SFXN5: variants seen among roughly 807,000 people sequenced by gnomAD.
SFXN5 encodes sideroflexin-5.
In SFXN5, 43 loss-of-function variants were observed where a neutral mutation model predicts 50.2. That is an observed-to-expected ratio of 0.86 (90% CI 0.67 to 1.11). SFXN5 has a LOEUF of 1.11. Among genes scored for constraint, SFXN5 ranks in the 50% least tolerant of loss-of-function variants. The pLI is 0.00. For synonymous variants in SFXN5, 203 were observed against 185.8 expected, an observed-to-expected ratio of 1.09 and a Z score of -0.75; for missense variants, 463 against 454.1, an observed-to-expected ratio of 1.02 and a Z score of -0.18.
chr2:73,063,118 C>T (rs141990666), intron 1 of SFXN5, among the ~76,000 whole-genome samples: 1 of 152,132 alleles, frequency 6.6e-6, no homozygotes, highest in Admixed American at 6.5e-5. Flanking sequence ...AAGAAGCATA[C>T]TGATTAAGTG....
intron 10 of SFXN5, among the ~76,000 whole-genome samples, chr2:72,985,067 G>T (rs989230573): frequency 7.9e-5 from 12 of 152,122 alleles, no homozygotes; most frequent in Non-Finnish European, 1.3e-4. Context: ...TCACCCTGAA[G>T]ACCCCCTTCC....
chr2:73,023,685 A>G (rs1677194429), intron 3 of SFXN5, among the ~76,000 whole-genome samples: 1 of 152,148 alleles, frequency 6.6e-6, no homozygotes, highest in African/African-American at 2.4e-5. Flanking sequence ...CAGTTTCCTC[A>G]TCTGTGGAAT....
At chr2:73,058,467 A>T in intron 2 of SFXN5, 61 bp downstream of exon 2, 3 of 1,500,730 alleles carry the variant, frequency 2.0e-6, no homozygotes, top group Non-Finnish European at 2.8e-6. Context: ...AATGACCCAC[A>T]TATTCTGAAA....
rs1354441579 is a variant in SFXN5 at position 72,943,136 on chromosome 2, C to CA, written c.*1885dup. The stretch of plus-strand genomic sequence containing the variant: ...CTTGTCTAACCCTTCTCCCCCTCCT[C>CA]ACGGGCAGCAGGTGGGCTGCTCCTC... On this transcript the variant is annotated 3_prime_UTR_variant, in exon 14 of 14. Transcript: ENST00000272433. 6.6e-6 allele frequency: 1 copy of CA among 152,296 alleles called. No homozygotes were observed. The highest frequency in any genetic ancestry group is 1.5e-5 in the Non-Finnish European group (1 of 68,094). The allele number at this position is 152,296 out of a possible 1,614,324, so 9.4% of individuals were successfully genotyped here.
intron 4 of SFXN5, 48 bp from the exon 5 acceptor site, chr2:73,022,624 A>T (rs775672390): frequency 1.3e-4 from 6 of 44,766 alleles, no homozygotes; most frequent in African/African-American, 5.9e-4. Flanking sequence ...GGGTGTAGGG[A>T]GGGGGAAGGG....
At chr2:72,969,639 AC>A (rs1038794731) in intron 11 of SFXN5, among the ~76,000 whole-genome samples, 4 of 139,568 alleles carry the variant, frequency 2.9e-5, no homozygotes, top group African/African-American at 8.2e-5. Context: ...CAGGTGATCC[AC>A]CCCCCTCAGC....
At chr2:73,009,540 A>C (rs6711891) in intron 6 of SFXN5, among the ~76,000 whole-genome samples, 50,018 of 152,078 alleles carry the variant, frequency 0.33, 9,975 homozygotes, top group African/African-American at 0.55. Context: ...ATAGGTGAGC[A>C]TTGTCATTTC....
intron 2 of SFXN5, among the ~76,000 whole-genome samples, chr2:73,041,149 A>G (rs1263496571): frequency 2.6e-5 from 4 of 152,248 alleles, no homozygotes; most frequent in Non-Finnish European, 5.9e-5. Context: ...TTCCATGGTC[A>G]TCTCCCCAAG....
In SFXN5 at chr2:73,071,628, T is replaced by C. The variant is rs201727190; in HGVS notation, c.78A>G (p.Gln26=). Residue 26 remains glutamine, a synonymous_variant, in exon 1 of 14, where the codon CAA becomes CAG. Coordinates refer to ENST00000272433, the MANE Select transcript of SFXN5 (RefSeq NM_144579.3). ...CCTGCTGGAAGCGGGGTTTGCCCAGTTGGAAAGGAGGTGCATCGCTCGAGG... is the reference window on the plus strand; with the variant it reads ...CCTGCTGGAAGCGGGGTTTGCCCAGCTGGAAAGGAGGTGCATCGCTCGAGG... ...ASASSDAPPF[Q]LGKPRFQQTS... 21 of 1,613,700 alleles carry C rather than the reference T, an allele frequency of 1.3e-5. No individual in the cohort carries two copies. The highest frequency in any genetic ancestry group is 1.7e-5 in the Non-Finnish European group (20 of 1,179,886).
chr2:72,955,118 C>T (rs1047643101), intron 13 of SFXN5, among the ~76,000 whole-genome samples: 14 of 152,188 alleles, frequency 9.2e-5, no homozygotes, highest in Admixed American at 7.2e-4. Flanking sequence ...CCCTGCTCCC[C>T]GTACCTCACT....
intron 1 of SFXN5, chr2:73,059,174 G>C: frequency 1.0e-6 from 1 of 986,384 alleles, no homozygotes; most frequent in Non-Finnish European, 1.2e-6. Context: ...CCTTGCCCCA[G>C]AGCAGGGGCC....
intron 9 of SFXN5, among the ~76,000 whole-genome samples, chr2:72,996,290 G>A (rs189393793): frequency 1.7e-3 from 256 of 152,252 alleles, no homozygotes; most frequent in Non-Finnish European, 2.7e-3. Context: ...ACAGCCCCGC[G>A]TGAGGCCCCA....
At chr2:73,021,678 C>T (rs533430942) in intron 5 of SFXN5, among the ~76,000 whole-genome samples, 8 of 152,240 alleles carry the variant, frequency 5.3e-5, no homozygotes, top group Non-Finnish European at 1.0e-4. Context: ...TGACTGAGAC[C>T]GCCTTTCTCC....
intron 12 of SFXN5, among the ~76,000 whole-genome samples, chr2:72,966,374 C>T (rs886762192): frequency 3.3e-5 from 5 of 152,184 alleles, no homozygotes; most frequent in African/African-American, 1.2e-4. Flanking sequence ...CCTCACCTGC[C>T]CCGCTTGCTC....
At chr2:72,978,613 A>C (rs1390247676) in intron 10 of SFXN5, among the ~76,000 whole-genome samples, 2 of 152,134 alleles carry the variant, frequency 1.3e-5, no homozygotes, top group African/African-American at 4.8e-5. Flanking sequence ...GAGATTGATA[A>C]TATCAAATAT....
At chr2:72,972,671 G>A (rs531881205) in intron 10 of SFXN5, among the ~76,000 whole-genome samples, 1 of 152,234 alleles carries the variant, frequency 6.6e-6, no homozygotes, top group Non-Finnish European at 1.5e-5. Context: ...GGATGGAAGT[G>A]GGGGGACCTG....
At chr2:72,995,896 G>C (rs188086958) in intron 9 of SFXN5, among the ~76,000 whole-genome samples, 1 of 152,184 alleles carries the variant, frequency 6.6e-6, no homozygotes, top group Non-Finnish European at 1.5e-5. Flanking sequence ...TCCATCTGCC[G>C]GAGTTAGACG....
At position 72,944,920 on chromosome 2, in the gene SFXN5, G is replaced by A; in HGVS notation, c.*102C>T. The A allele has an allele frequency of 9.4e-7, 1 of 1,062,638 alleles. No individual in the cohort carries two copies. The allele number at this position is 1,062,638 out of a possible 1,614,324, so 65.8% of individuals were successfully genotyped here. On this transcript the variant is annotated 3_prime_UTR_variant, in exon 14 of 14. Transcript: ENST00000272433. ...CTCTCCCAGGGGGCCCAGGACTGCT[G>A]GGGTTGGCGTGCTGCTCCCTGCAGG...
intron 6 of SFXN5, 81 bp from the exon 7 acceptor site, chr2:73,001,659 A>G: frequency 2.2e-6 from 3 of 1,335,324 alleles, no homozygotes; most frequent in Admixed American, 1.8e-5. Flanking sequence ...CGCTACCACA[A>G]ATGAGTGAGC....
Sources: gnomAD v4.1 joint callset for allele counts (sites outside exome capture counted in the v4.1 genomes callset) on GRCh38, gnomAD v4.1.1 for gene constraint, MANE v1.5 for transcripts, NCBI Gene and HGNC (gene_info 2026-07-23, HGNC 2026-07-21) for gene names.